Variants in KIF6 observed in about 807,000 individuals in gnomAD.
KIF6 encodes kinesin family member 6.
In KIF6, 106 loss-of-function variants were observed where a neutral mutation model predicts 112.7. The observed-to-expected ratio is 0.94, with a 90% CI of 0.80 to 1.11. The LOEUF is 1.11. Among genes scored for constraint, KIF6 ranks in the 50% least tolerant of loss-of-function variants. KIF6 has a pLI of 0.00. For synonymous variants in KIF6, 339 were observed against 339.9 expected (o/e 1.00, Z 0.03); for missense variants, 929 against 964.0 (o/e 0.96, Z 0.48).
At chr6:39,648,880 A>T (rs1785315820) in intron 3 of KIF6, among the ~76,000 whole-genome samples, 1 of 151,922 alleles carries the variant, frequency 6.6e-6, no homozygotes, top group African/African-American at 2.4e-5. Flanking sequence ...TTCTAAAAGC[A>T]TGTTTTGGCC....
At chr6:39,466,204 A>G (rs1773777414) in intron 13 of KIF6, among the ~76,000 whole-genome samples, 1 of 152,190 alleles carries the variant, frequency 6.6e-6, no homozygotes, top group Non-Finnish European at 1.5e-5. Flanking sequence ...ATAAAGCTTT[A>G]TGTAACAACA....
intron 15 of KIF6, among the ~76,000 whole-genome samples, chr6:39,404,548 G>A (rs1020474592): frequency 1.3e-5 from 2 of 152,174 alleles, no homozygotes; most frequent in African/African-American, 4.8e-5. Flanking sequence ...TTTTGCCAGT[G>A]TCAACACTGT....
intron 13 of KIF6, among the ~76,000 whole-genome samples, chr6:39,491,934 A>G (rs1265369043): frequency 6.6e-6 from 1 of 152,148 alleles, no homozygotes. Context: ...CTATATTAAA[A>G]CGAGAGAAAT....
At chr6:39,716,612 A>G (rs148940682) in intron 2 of KIF6, among the ~76,000 whole-genome samples, 107 of 152,296 alleles carry the variant, frequency 7.0e-4, no homozygotes, top group African/African-American at 2.4e-3. Flanking sequence ...GTTCAGTCTA[A>G]TGATTAACAG....
chr6:39,603,520 G>A (rs1226212550), intron 6 of KIF6, among the ~76,000 whole-genome samples: 2 of 151,364 alleles, frequency 1.3e-5, no homozygotes, highest in Non-Finnish European at 2.9e-5. Context: ...GAAAATAAAT[G>A]GTGATGCATT....
In KIF6 at chr6:39,583,674, C is replaced by CTT. The variant is rs564229262; in HGVS notation, c.1077+1222_1077+1223dup. Among the ~76,000 whole-genome samples the CTT allele has an allele frequency of 3.6e-3, 256 of 71,716 alleles. 66 individuals are homozygous for CTT. The highest frequency in any genetic ancestry group is 4.9e-3 in the Non-Finnish European group (171 of 35,244). The allele number at this position is 71,716 out of a possible 152,430, so 47.0% of individuals were successfully genotyped here. ...AAACACTGTTGGTAGGATTTCACTT[C>CTT]TTTTTTTTTTTTTTTTTTTTTTTTT... On this transcript the variant is annotated intron_variant, in intron 9 of 22. Transcript: ENST00000287152.
At position 39,697,895 on chromosome 6, in the gene KIF6, A is replaced by G. The variant is rs565368908; in HGVS notation, c.251+16797T>C. Among the ~76,000 whole-genome samples the G allele has an allele frequency of 2.0e-5, 3 of 152,266 alleles. No individual in the cohort carries two copies. In the South Asian group the frequency reaches 6.2e-4, roughly 32 times the overall value. On this transcript the variant is annotated intron_variant, in intron 3 of 22. Transcript: ENST00000287152. Reference sequence around the variant, plus strand: ...GACCTAACAAGTTCACTGGCATATTAAGGATAAAACAGATTGGGAAACTAC... The same window carrying G: ...GACCTAACAAGTTCACTGGCATATTGAGGATAAAACAGATTGGGAAACTAC...
intron 10 of KIF6, among the ~76,000 whole-genome samples, chr6:39,567,278 T>C (rs951641205): frequency 6.6e-6 from 1 of 152,190 alleles, no homozygotes; most frequent in Non-Finnish European, 1.5e-5. Context: ...GTGCCATTAC[T>C]ACTCTCACAC....
At chr6:39,614,313 C>T (rs1038642975) in intron 5 of KIF6, among the ~76,000 whole-genome samples, 12 of 152,162 alleles carry the variant, frequency 7.9e-5, no homozygotes, top group Non-Finnish European at 1.5e-4. Flanking sequence ...GGTATCTTCA[C>T]TCGTTTAAAA....
chr6:39,605,050 C>T (rs192089421), intron 6 of KIF6, among the ~76,000 whole-genome samples: 3 of 152,146 alleles, frequency 2.0e-5, no homozygotes, highest in African/African-American at 7.2e-5. Flanking sequence ...AGGAATTTTG[C>T]CTGTATCTTT....
chr6:39,347,660 G>A (rs1219254628), intron 19 of KIF6, among the ~76,000 whole-genome samples: 1 of 152,244 alleles, frequency 6.6e-6, no homozygotes, highest in Non-Finnish European at 1.5e-5. Context: ...GGACACTTGG[G>A]CTGAGAGGCA....
At chr6:39,467,122 T>A (rs2150433358) in intron 13 of KIF6, among the ~76,000 whole-genome samples, 1 of 152,234 alleles carries the variant, frequency 6.6e-6, no homozygotes, top group South Asian at 2.1e-4. Context: ...ATGAGGAAGT[T>A]CAAGCCTGAA....
chr6:39,650,309 G>T (rs1468048293), intron 3 of KIF6, among the ~76,000 whole-genome samples: 1 of 152,070 alleles, frequency 6.6e-6, no homozygotes, highest in East Asian at 1.9e-4. Context: ...TGAAGAAACC[G>T]TTTTGTGTTA....
chr6:39,465,034 G>T (rs1387420996), intron 13 of KIF6, among the ~76,000 whole-genome samples: 1 of 152,332 alleles, frequency 6.6e-6, no homozygotes, highest in East Asian at 1.9e-4. Context: ...TTGGTCAGGA[G>T]TTCTTTCCTA....
intron 9 of KIF6, among the ~76,000 whole-genome samples, chr6:39,581,401 C>T (rs145364642): frequency 6.6e-6 from 1 of 152,052 alleles, no homozygotes; most frequent in East Asian, 1.9e-4. Flanking sequence ...AGGTGATCCA[C>T]CCACTCGGCC....
At chr6:39,443,927 G>A (rs1772137013) in intron 13 of KIF6, among the ~76,000 whole-genome samples, 1 of 152,150 alleles carries the variant, frequency 6.6e-6, no homozygotes, top group Admixed American at 6.5e-5. Flanking sequence ...AAAGGAAGGG[G>A]AAATTTAATT....
intron 1 of KIF6, among the ~76,000 whole-genome samples, chr6:39,722,188 G>A (rs1053668252): frequency 6.6e-6 from 1 of 152,054 alleles, no homozygotes; most frequent in Non-Finnish European, 1.5e-5. Context: ...AGTGAAGGGG[G>A]TGTATAAGAC....
chr6:39,356,430 T>A (rs559524314), intron 19 of KIF6, among the ~76,000 whole-genome samples: 1 of 152,160 alleles, frequency 6.6e-6, no homozygotes, highest in South Asian at 2.1e-4. Flanking sequence ...CGCACCTGGC[T>A]AATTTTTGTA....
intron 3 of KIF6, among the ~76,000 whole-genome samples, chr6:39,643,952 T>A: frequency 6.6e-6 from 1 of 152,042 alleles, no homozygotes; most frequent in Non-Finnish European, 1.5e-5. Flanking sequence ...CCATAATCCA[T>A]AACATACAAA....
Sources: allele counts gnomAD v4.1 joint callset (sites outside exome capture counted in the v4.1 genomes callset), GRCh38; gene constraint gnomAD v4.1.1; transcripts MANE v1.5; gene names NCBI Gene and HGNC (gene_info 2026-07-23, HGNC 2026-07-21).